The following ACACA variants were observed in gnomAD, a reference collection of about 807,000 sequenced individuals.
ACACA encodes the protein acetyl-CoA carboxylase 1.
In ACACA, 103 loss-of-function variants were observed where a neutral mutation model predicts 296.1. The observed-to-expected ratio is 0.35, with a 90% CI of 0.30 to 0.41. The LOEUF (loss-of-function observed/expected upper bound fraction) is 0.41. Among genes scored for constraint, ACACA ranks in the 10% least tolerant of loss-of-function variants. ACACA has a pLI of 1.00. For synonymous variants in ACACA, 953 were observed against 1,038.6 expected (o/e 0.92, Z 1.58); for missense variants, 1,554 against 2,989.7 (o/e 0.52, Z 11.20).
chr17:37,163,865 C>G (rs569327601), intron 41 of ACACA, among the ~76,000 whole-genome samples: 21 of 152,142 alleles, frequency 1.4e-4, no homozygotes, highest in Non-Finnish European at 2.9e-4. Flanking sequence ...TCTTCCCAAA[C>G]TCTCACAGCC....
intron 3 of ACACA, among the ~76,000 whole-genome samples, chr17:37,314,563 A>G (rs73282823): frequency 0.042 from 6,315 of 152,012 alleles, 349 homozygotes; most frequent in African/African-American, 0.13. Context: ...AAGTATTAGA[A>G]TAACGATTCC....
chr17:37,227,954 AC>A (rs1228171774), intron 25 of ACACA, among the ~76,000 whole-genome samples: 2 of 151,944 alleles, frequency 1.3e-5, no homozygotes, highest in African/African-American at 2.4e-5. Flanking sequence ...ATGAAAGAAG[AC>A]CCAAAGGGCC....
intron 35 of ACACA, among the ~76,000 whole-genome samples, chr17:37,197,871 T>C (rs2078075436): frequency 6.6e-6 from 1 of 152,246 alleles, no homozygotes; most frequent in Non-Finnish European, 1.5e-5. Context: ...AACCTTAATG[T>C]TCTCTATGCT....
chr17:37,280,020 T>C (rs1007023032), intron 5 of ACACA, among the ~76,000 whole-genome samples: 7 of 152,202 alleles, frequency 4.6e-5, no homozygotes, highest in African/African-American at 1.7e-4. Context: ...GCTGTCCAAT[T>C]ATATCCACAG....
intron 29 of ACACA, among the ~76,000 whole-genome samples, chr17:37,221,081 G>A (rs1183104576): frequency 1.5e-4 from 23 of 150,924 alleles, no homozygotes; most frequent in Non-Finnish European, 8.8e-5. Flanking sequence ...ATAAGATAAA[G>A]TATTTTCATT....
chr17:37,251,728 C>T (rs1761799574), intron 16 of ACACA, among the ~76,000 whole-genome samples: 1 of 152,200 alleles, frequency 6.6e-6, no homozygotes, highest in South Asian at 2.1e-4. Context: ...GATACTTATA[C>T]AGGACAGAAT....
intron 16 of ACACA, among the ~76,000 whole-genome samples, chr17:37,251,287 G>C (rs527877712): frequency 1.3e-5 from 2 of 152,196 alleles, no homozygotes; most frequent in Non-Finnish European, 2.9e-5. Context: ...CCAAGCTGCT[G>C]AAGGTTTTAC....
chr17:37,375,959 A>G, intron 1 of ACACA: 1 of 642,568 alleles, frequency 1.6e-6, no homozygotes, highest in South Asian at 2.0e-5. Context: ...CAAAATAATC[A>G]GGGTGGAATC....
chr17:37,181,393 C>G (rs369882931), intron 39 of ACACA, 37 bp from the exon 40 acceptor site: 6 of 1,612,852 alleles, frequency 3.7e-6, no homozygotes, highest in South Asian at 1.1e-5. Context: ...AGTTAAGAGA[C>G]AGAAAAAAAT....
intron 45 of ACACA, among the ~76,000 whole-genome samples, chr17:37,132,278 C>T (rs1470252579): frequency 6.6e-6 from 1 of 152,168 alleles, no homozygotes; most frequent in Non-Finnish European, 1.5e-5. Flanking sequence ...TAAATGTGCA[C>T]ACACATGCAC....
chr17:37,375,465 C>CTGGATTAGA (rs1346963794), intron 1 of ACACA, among the ~76,000 whole-genome samples: 1 of 151,702 alleles, frequency 6.6e-6, no homozygotes, highest in Non-Finnish European at 1.5e-5. Context: ...CCAGCCTGGG[C>CTGGATTAGA]GACCGAGCGA....
At chr17:37,403,197 C>G (rs546701408) in intron 1 of ACACA, among the ~76,000 whole-genome samples, 1 of 152,230 alleles carries the variant, frequency 6.6e-6, no homozygotes, top group Admixed American at 6.5e-5. Flanking sequence ...ATGCAAAACA[C>G]AGATCCAAAA....
At chr17:37,101,967 A>G (rs1347061897) in intron 52 of ACACA, among the ~76,000 whole-genome samples, 2 of 101,074 alleles carry the variant, frequency 2.0e-5, no homozygotes, top group Non-Finnish European at 3.5e-5. Context: ...ATCTTTCAGG[A>G]TCACATATCA....
intron 5 of ACACA, among the ~76,000 whole-genome samples, chr17:37,280,456 C>A (rs2082460538): frequency 6.6e-6 from 1 of 152,150 alleles, no homozygotes; most frequent in Non-Finnish European, 1.5e-5. Flanking sequence ...ATCCGCCTGC[C>A]TTGGCCTCCC....
At chr17:37,111,394 C>G (rs1336389189) in intron 52 of ACACA, 137 bp downstream of exon 52, 1 of 750,760 alleles carries the variant, frequency 1.3e-6, no homozygotes, top group African/African-American at 1.7e-5. Flanking sequence ...AGGGTTCTTA[C>G]CATATAGAGG....
intron 45 of ACACA, among the ~76,000 whole-genome samples, chr17:37,135,835 C>T (rs1412957299): frequency 1.3e-5 from 2 of 152,076 alleles, no homozygotes; most frequent in African/African-American, 4.8e-5. Context: ...AGTAATCACT[C>T]ACCCTAGGGG....
Position 37,113,893 on chromosome 17 carries a change from C to T in ACACA, c.6275-628G>A, listed in dbSNP as rs909156574. ...GAAAGAATATAATGAGAAAGAAAGA[C>T]AAATTCTTTAACAGTTGCATTTTTA... On this transcript the variant is annotated intron_variant, in intron 50 of 55. Coordinates refer to ENST00000616317, the MANE Select transcript of ACACA (RefSeq NM_198834.3). The surrounding 1 kb of genome is among the most constrained non-coding windows in gnomAD (Gnocchi z 4.0). Among the ~76,000 whole-genome samples, 1 of 152,126 alleles carries T rather than the reference C, an allele frequency of 6.6e-6. No homozygotes were observed. Among genetic ancestry groups the T allele is most frequent in the African/African-American group, 2.4e-5 (1 of 41,426 alleles).
intron 42 of ACACA, among the ~76,000 whole-genome samples, chr17:37,156,984 C>T (rs1030176276): frequency 6.6e-6 from 1 of 152,120 alleles, no homozygotes; most frequent in Non-Finnish European, 1.5e-5. Context: ...CTATTCCAGG[C>T]ACTGGAAAAA....
chr17:37,214,484 G>A (rs2078899082), intron 29 of ACACA, among the ~76,000 whole-genome samples: 1 of 152,146 alleles, frequency 6.6e-6, no homozygotes, highest in South Asian at 2.1e-4. Context: ...TATATAATTA[G>A]CTACGAACCC....
Sources: gnomAD v4.1 joint callset for allele counts (sites outside exome capture counted in the v4.1 genomes callset) on GRCh38, gnomAD v4.1.1 for gene constraint, Gnocchi (gnomAD v3.1) non-coding constraint, MANE v1.5 for transcripts, NCBI Gene and HGNC (gene_info 2026-07-23, HGNC 2026-07-21) for gene names.